Variants in TSNAX observed in about 807,000 individuals in gnomAD.
The protein encoded by TSNAX is translin-associated protein X.
In TSNAX, 12 loss-of-function variants were observed where a neutral mutation model predicts 33.0. The observed-to-expected ratio is 0.36, with a 90% CI of 0.23 to 0.59. The LOEUF (loss-of-function observed/expected upper bound fraction) is 0.59. Among genes scored for constraint, TSNAX ranks in the 20% least tolerant of loss-of-function variants. The probability of loss-of-function intolerance (pLI) is 0.74; values close to 1 mark genes in which losing one functional copy is unlikely to be tolerated. For synonymous variants in TSNAX, 110 were observed against 117.2 expected (o/e 0.94, Z 0.40); for missense variants, 267 against 341.3 (o/e 0.78, Z 1.72).
chr1:231,543,443 C>T (rs890697938), intron 4 of TSNAX, among the ~76,000 whole-genome samples: 2 of 151,946 alleles, frequency 1.3e-5, no homozygotes, highest in Non-Finnish European at 2.9e-5. Context: ...ACCTGAAATG[C>T]TCCAATGAGC....
intron 5 of TSNAX, among the ~76,000 whole-genome samples, chr1:231,563,894 ACT>A (rs1000872698): frequency 1.3e-5 from 2 of 152,062 alleles, no homozygotes; most frequent in Admixed American, 6.6e-5. Context: ...AGCGGTACAG[ACT>A]CTGCAGTTGT....
chr1:231,546,796 C>G (rs1260081886), intron 4 of TSNAX, among the ~76,000 whole-genome samples: 1 of 152,174 alleles, frequency 6.6e-6, no homozygotes, highest in Admixed American at 6.5e-5. Context: ...TCCATGCTCT[C>G]TGGGGCTCTG....
At position 231,561,253 on chromosome 1, in the gene TSNAX, A is replaced by C. The variant is rs1467136209; in HGVS notation, c.493A>C (p.Thr165Pro). Residue 165 changes from threonine to proline, a missense_variant and splice_region_variant, in exon 5 of 6, where the codon ACT (threonine) becomes CCT (proline). Physicochemically the swap from Thr to Pro is conservative, Grantham distance 38. Coordinates refer to ENST00000366639, the MANE Select transcript of TSNAX (RefSeq NM_005999.3). ...TGAAGACAATGGGAAAGAAAATAAA[A>C]CTGTGAGAATTTAAAATTTATTTCA... ...TTEDNGKENKTPSSDAQDKQF... is the reference protein window; with the variant it reads ...TTEDNGKENKPPSSDAQDKQF... 7 of 1,510,374 alleles carry C rather than the reference A, an allele frequency of 4.6e-6. No individual in the cohort carries two copies. The Admixed American group carries it at 1.4e-4, about 30-fold the overall frequency. 93.6% of individuals were successfully genotyped at this position (1,510,374 alleles called of 1,614,324 possible).
chr1:231,561,955 A>G (rs1453804854), intron 5 of TSNAX, among the ~76,000 whole-genome samples: 1 of 152,176 alleles, frequency 6.6e-6, no homozygotes, highest in Non-Finnish European at 1.5e-5. Context: ...TACTCAATTC[A>G]TAATGCTTAT....
intron 4 of TSNAX, among the ~76,000 whole-genome samples, chr1:231,550,667 T>C (rs916421332): frequency 6.6e-6 from 1 of 152,210 alleles, no homozygotes; most frequent in Non-Finnish European, 1.5e-5. Context: ...TTCTTTCTTT[T>C]CTTCTTCCTT....
intron 4 of TSNAX, among the ~76,000 whole-genome samples, chr1:231,552,060 C>T (rs979485328): frequency 5.3e-5 from 8 of 152,068 alleles, no homozygotes; most frequent in Non-Finnish European, 1.0e-4. Context: ...CTTTGGGAGG[C>T]CAAGGTGGGC....
At chr1:231,553,223 T>C (rs201334498) in intron 4 of TSNAX, among the ~76,000 whole-genome samples, 14 of 152,226 alleles carry the variant, frequency 9.2e-5, no homozygotes, top group Non-Finnish European at 1.8e-4. Context: ...CTTTGTCATA[T>C]CTGTTTGCTT....
intron 5 of TSNAX, among the ~76,000 whole-genome samples, chr1:231,563,236 C>G (rs192134831): frequency 5.5e-4 from 84 of 152,322 alleles, no homozygotes; most frequent in African/African-American, 2.0e-3. Context: ...CTTCACCTAC[C>G]CTTTTATACA....
chr1:231,555,468 C>G (rs1660626766), intron 4 of TSNAX, among the ~76,000 whole-genome samples: 1 of 151,996 alleles, frequency 6.6e-6, no homozygotes, highest in Non-Finnish European at 1.5e-5. Context: ...AAGATTAATA[C>G]AAGAATTCTG....
chr1:231,559,867 G>C (rs1481097306), intron 4 of TSNAX, among the ~76,000 whole-genome samples: 4 of 150,778 alleles, frequency 2.7e-5, no homozygotes, highest in Admixed American at 2.6e-4. Flanking sequence ...TCTAGTCTTA[G>C]ATCCATTTTG....
intron 4 of TSNAX, among the ~76,000 whole-genome samples, chr1:231,557,666 A>G (rs903512978): frequency 4.1e-4 from 63 of 152,020 alleles, no homozygotes; most frequent in African/African-American, 1.5e-3. Flanking sequence ...AAGATTCAGT[A>G]TAGAACATAA....
chr1:231,547,530 A>G (rs988092851), intron 4 of TSNAX, among the ~76,000 whole-genome samples: 2 of 151,086 alleles, frequency 1.3e-5, no homozygotes, highest in African/African-American at 4.9e-5. Flanking sequence ...AGCTGGGACT[A>G]TAGGCAAATG....
In TSNAX at chr1:231,528,758, C is replaced by T. The variant is rs1658432790; in HGVS notation, c.-53C>T. 13 of 1,613,068 alleles carry T rather than the reference C, an allele frequency of 8.1e-6. 1 individual carries two copies. The highest frequency in any genetic ancestry group is 3.4e-4 in the Middle Eastern group (2 of 5,826). On this transcript the variant is annotated 5_prime_UTR_variant, in exon 1 of 6. Coordinates refer to ENST00000366639, the MANE Select transcript of TSNAX (RefSeq NM_005999.3). Reference sequence around the variant, plus strand: ...CCCTCGGCCTGTACCTCGCGCACTCCTCTTGCTCCAGGTCCTTCAGTCTCC... The same window carrying T: ...CCCTCGGCCTGTACCTCGCGCACTCTTCTTGCTCCAGGTCCTTCAGTCTCC...
intron 5 of TSNAX, among the ~76,000 whole-genome samples, chr1:231,564,249 G>A (rs777167050): frequency 7.6e-4 from 116 of 152,188 alleles, no homozygotes; most frequent in Non-Finnish European, 1.6e-3. Flanking sequence ...TACATCAAGT[G>A]GAGTTGGAAA....
chr1:231,529,299 A>T lies in TSNAX; in HGVS notation c.61A>T (p.Asn21Tyr). 6.2e-7 allele frequency: 1 copy of T among 1,614,218 alleles called. No homozygotes were observed. The highest frequency in any genetic ancestry group is 1.1e-5 in the South Asian group (1 of 91,090). The change falls in exon 2 of 6, where the codon AAC becomes TAC. Residue 21 changes from asparagine to tyrosine, a missense_variant. Transcript: ENST00000366639. ...RKRKHDNFPH[N>Y]QRREGKDVNS... ...AAGGAAGCATGACAATTTCCCACAT[A>T]ACCAAAGAAGAGAAGGGAAGGATGT...
intron 4 of TSNAX, among the ~76,000 whole-genome samples, chr1:231,555,446 T>C (rs1660625982): frequency 6.6e-6 from 1 of 151,800 alleles, no homozygotes; most frequent in African/African-American, 2.4e-5. Context: ...AGGTCCAGAG[T>C]TTCATTTTGG....
chr1:231,528,823 G>C lies in TSNAX; in HGVS notation c.13G>C (p.Glu5Gln). 1 of 1,614,208 alleles carries C rather than the reference G, an allele frequency of 6.2e-7. No individual in the cohort carries two copies. The highest frequency in any genetic ancestry group is 8.5e-7 in the Non-Finnish European group (1 of 1,180,048). MSNK[E>Q]GSGGFRKRKH... The stretch of plus-strand genomic sequence containing the variant: ...AGGCTGTGACGACATGAGCAACAAA[G>C]AAGGTGGCGTCCTTAACAACACGGG... Residue 5 changes from glutamate to glutamine, a missense_variant, in exon 1 of 6, where the codon GAA (glutamate) becomes CAA (glutamine). Around this residue, in one of 2 missense-constraint regions of TSNAX, gnomAD observed 200 missense variants for 214.1 expected, o/e 0.93. Coordinates refer to ENST00000366639, the MANE Select transcript of TSNAX (RefSeq NM_005999.3).
At chr1:231,561,084 A>T in intron 4 of TSNAX, 44 bp from the exon 5 acceptor site, 1 of 1,579,770 alleles carries the variant, frequency 6.3e-7, no homozygotes, top group South Asian at 1.2e-5. Context: ...CATTCTTACT[A>T]ATTAAGTGCT....
At chr1:231,559,619 G>A (rs1466236413) in intron 4 of TSNAX, among the ~76,000 whole-genome samples, 1 of 151,996 alleles carries the variant, frequency 6.6e-6, no homozygotes, top group Non-Finnish European at 1.5e-5. Context: ...TGAGCCACCG[G>A]CGCCCGGCCA....
Sources: gnomAD v4.1 joint callset for allele counts (sites outside exome capture counted in the v4.1 genomes callset) on GRCh38, gnomAD v4.1.1 for gene constraint, gnomAD v4.1.1 regional missense constraint, MANE v1.5 for transcripts, NCBI Gene and HGNC (gene_info 2026-07-23, HGNC 2026-07-21) for gene names.